The following RNF144B variants were observed in gnomAD, a reference collection of about 807,000 sequenced individuals.
RNF144B encodes the protein ring finger protein 144B, also known as E3 ubiquitin-protein ligase RNF144B.
In RNF144B, 25 loss-of-function variants were observed where a neutral mutation model predicts 40.2. The ratio of observed to expected loss-of-function variants is 0.62; its 90% confidence interval spans 0.45 to 0.87. RNF144B has a LOEUF of 0.87. Among genes scored for constraint, RNF144B ranks in the 40% least tolerant of loss-of-function variants. The probability of loss-of-function intolerance (pLI) is 0.00; values close to 1 mark genes in which losing one functional copy is unlikely to be tolerated. For missense variants in RNF144B, 365 were observed against 373.7 expected, an observed-to-expected ratio of 0.98 and a Z score of 0.19; for synonymous variants, 145 against 136.3, an observed-to-expected ratio of 1.06 and a Z score of -0.44.
chr6:18,426,370 T>C (rs374671818), intron 2 of RNF144B, among the ~76,000 whole-genome samples: 43 of 152,340 alleles, frequency 2.8e-4, no homozygotes, highest in African/African-American at 1.0e-3. Flanking sequence ...TTACCGATTA[T>C]GAGCAAATTA....
chr6:18,388,806 ATT>A (rs11455735), intron 1 of RNF144B, among the ~76,000 whole-genome samples: 12 of 149,946 alleles, frequency 8.0e-5, no homozygotes, highest in African/African-American at 2.9e-4. Context: ...TTTGACTGGC[ATT>A]TTTTTTTTTA....
At chr6:18,392,989 C>T (rs545867452) in intron 1 of RNF144B, among the ~76,000 whole-genome samples, 3 of 151,980 alleles carry the variant, frequency 2.0e-5, no homozygotes, top group East Asian at 1.9e-4. Flanking sequence ...GGCGTGATGG[C>T]GGGCACCTGT....
In RNF144B at chr6:18,459,720, C is replaced by T. The variant is rs144182790; in HGVS notation, c.650C>T (p.Thr217Ile). 793 of 1,613,992 alleles carry T rather than the reference C, an allele frequency of 4.9e-4. 2 individuals carry two copies. Among genetic ancestry groups the T allele is most frequent in the Non-Finnish European group, 6.4e-4 (750 of 1,179,952 alleles). Residue 217 changes from threonine (T) to isoleucine (I), a missense_variant, in exon 6 of 8, where the codon ACA becomes ATA. Physicochemically the swap from Thr to Ile is moderately conservative, Grantham distance 89. Coordinates refer to ENST00000259939, the MANE Select transcript of RNF144B (RefSeq NM_182757.4). This position sits in a 1 kb window ranked among gnomAD's most constrained non-coding sequence, Gnocchi z 4.2. ...ATGATGTGCAAAAACTGCAAGCATA[C>T]ATTTTGCTGGTACTGCCTCCAGAAC... The part of the protein sequence containing the change: ...AQMMCKNCKH[T>I]FCWYCLQNLD...
rs542711945 is a variant in RNF144B, at chr6:18,448,096, A to T, written c.331+8352A>T. 2.6e-5 allele frequency among the ~76,000 whole-genome samples: 4 copies of T among 152,126 alleles called. No individual in the cohort carries two copies. Among genetic ancestry groups the T allele is most frequent in the Non-Finnish European group, 5.9e-5 (4 of 68,036 alleles). On this transcript the variant is annotated intron_variant, in intron 4 of 7. Coordinates refer to ENST00000259939, the MANE Select transcript of RNF144B (RefSeq NM_182757.4). The surrounding 1 kb of genome is among the most constrained non-coding windows in gnomAD (Gnocchi z 4.0). Reference sequence around the variant, plus strand: ...TGGAGAGGGTTCAGGGTACTATGAGAAGAAAAATGGGTGCAGTGAATATAT... The same window carrying T: ...TGGAGAGGGTTCAGGGTACTATGAGTAGAAAAATGGGTGCAGTGAATATAT...
At chr6:18,388,123 T>C (rs2113446548) in intron 1 of RNF144B, among the ~76,000 whole-genome samples, 1 of 152,308 alleles carries the variant, frequency 6.6e-6, no homozygotes, top group African/African-American at 2.4e-5. Flanking sequence ...GTTTTTCTCA[T>C]GAGTTTCAAG....
chr6:18,439,722 T>C lies in RNF144B; in HGVS notation c.309T>C (p.Tyr103=). The change falls in exon 4 of 8, where the codon TAT becomes TAC. Residue 103 remains tyrosine, a synonymous_variant. Transcript: ENST00000259939. ...TACCTGTGGACCAGTTTCAACTTTATCAGAGGTTAAAATTTGAAAGAGGTA... is the reference window on the plus strand; with the variant it reads ...TACCTGTGGACCAGTTTCAACTTTACCAGAGGTTAAAATTTGAAAGAGGTA... ...CLVPVDQFQL[Y]QRLKFEREVH... is the part of the protein sequence containing the mutation. 6.2e-7 allele frequency: 1 copy of C among 1,612,272 alleles called. No individual in the cohort carries two copies. The highest frequency in any genetic ancestry group is 8.5e-7 in the Non-Finnish European group (1 of 1,178,364).
intron 2 of RNF144B, among the ~76,000 whole-genome samples, chr6:18,417,469 T>G (rs766106687): frequency 3.3e-5 from 5 of 152,116 alleles, no homozygotes; most frequent in Non-Finnish European, 7.4e-5. Context: ...CCAAGACAAT[T>G]CAAAGAGGAA....
intron 4 of RNF144B, among the ~76,000 whole-genome samples, chr6:18,449,651 T>C (rs1253206075): frequency 2.6e-5 from 4 of 151,918 alleles, no homozygotes; most frequent in Non-Finnish European, 4.4e-5. Context: ...TTTTAAAAAT[T>C]GACAGATAAA....
chr6:18,408,412 T>C lies in RNF144B; in HGVS notation c.165+8713T>C, dbSNP rs192569666. On this transcript the variant is annotated intron_variant, in intron 2 of 7. Coordinates refer to ENST00000259939, the MANE Select transcript of RNF144B (RefSeq NM_182757.4). ...AGGTTTCAGTTTGGTAAGGAAGATATATCATTCATCTTACTAGTTACTATT... is the reference window on the plus strand; with the variant it reads ...AGGTTTCAGTTTGGTAAGGAAGATACATCATTCATCTTACTAGTTACTATT... 1.5e-3 allele frequency among the ~76,000 whole-genome samples: 225 copies of C among 152,368 alleles called. 1 individual carries two copies. The highest frequency in any genetic ancestry group is 1.9e-3 in the Non-Finnish European group (132 of 68,028).
At chr6:18,439,530 G>A (rs1758908447) in intron 3 of RNF144B, among the ~76,000 whole-genome samples, 154 bp from the exon 4 acceptor site, 1 of 152,104 alleles carries the variant, frequency 6.6e-6, no homozygotes, top group South Asian at 2.1e-4. Context: ...TGTTGCATGT[G>A]TTTTACTACA....
chr6:18,391,734 G>A (rs1794584943), intron 1 of RNF144B, among the ~76,000 whole-genome samples: 1 of 151,692 alleles, frequency 6.6e-6, no homozygotes, highest in Non-Finnish European at 1.5e-5. Context: ...CAAGCGTGGT[G>A]GTGGGCGCCT....
At chr6:18,393,758 C>T (rs761214903) in intron 1 of RNF144B, among the ~76,000 whole-genome samples, 2 of 152,154 alleles carry the variant, frequency 1.3e-5, no homozygotes, top group Non-Finnish European at 1.5e-5. Context: ...CTCCATTTTA[C>T]AAGGCAACAC....
At position 18,439,743 on chromosome 6, in the gene RNF144B, A is replaced by C; in HGVS notation, c.330A>C (p.Arg110Ser). 1 of 1,599,442 alleles carries C rather than the reference A, an allele frequency of 6.3e-7. No individual in the cohort carries two copies. The highest frequency in any genetic ancestry group is 8.6e-7 in the Non-Finnish European group (1 of 1,166,878). Reference sequence around the variant, plus strand: ...TTTATCAGAGGTTAAAATTTGAAAGAGGTATGAACTCTTCTTTTTTTCCTG... The same window carrying C: ...TTTATCAGAGGTTAAAATTTGAAAGCGGTATGAACTCTTCTTTTTTTCCTG... ...FQLYQRLKFEREVHLDPYRTW... is the reference protein window; with the variant it reads ...FQLYQRLKFESEVHLDPYRTW... The change falls in exon 4 of 8, where the codon AGA becomes AGC. Residue 110 changes from arginine (R) to serine (S), a missense_variant and splice_region_variant. Arg to Ser is a moderately radical substitution (Grantham distance 110). Coordinates refer to ENST00000259939, the MANE Select transcript of RNF144B (RefSeq NM_182757.4).
chr6:18,453,522 T>A (rs563684248), intron 4 of RNF144B, among the ~76,000 whole-genome samples: 76 of 152,278 alleles, frequency 5.0e-4, no homozygotes, highest in African/African-American at 1.3e-3. Context: ...TTATTTTTTT[T>A]AAAAAAGCTA....
intron 4 of RNF144B, among the ~76,000 whole-genome samples, chr6:18,452,374 A>C (rs1485309321): frequency 6.6e-6 from 1 of 152,210 alleles, no homozygotes; most frequent in Non-Finnish European, 1.5e-5. Context: ...TGTGCACAAT[A>C]GAAGGTAGTT....
At chr6:18,409,148 C>T (rs556720626) in intron 2 of RNF144B, among the ~76,000 whole-genome samples, 2 of 151,874 alleles carry the variant, frequency 1.3e-5, no homozygotes, top group Admixed American at 6.6e-5. Context: ...GAGGCCGAGG[C>T]GGGTGGATCA....
intron 2 of RNF144B, among the ~76,000 whole-genome samples, chr6:18,408,990 G>A (rs1022948914): frequency 6.7e-6 from 1 of 150,032 alleles, no homozygotes; most frequent in Admixed American, 6.7e-5. Flanking sequence ...ACCTTTACAG[G>A]GTCTGCCTTT....
Position 18,460,824 on chromosome 6 carries a change from T to G in RNF144B, c.681+1073T>G, listed in dbSNP as rs1164338692. Among the ~76,000 whole-genome samples, 2 of 152,220 alleles carry G rather than the reference T, an allele frequency of 1.3e-5. No individual in the cohort carries two copies. Among genetic ancestry groups the G allele is most frequent in the African/African-American group, 4.8e-5 (2 of 41,446 alleles). ...TTAAAAATGCGATGCAAAGAGTTGG[T>G]GAGAAGGTCTTACTTCACTTCTGGT... On this transcript the variant is annotated intron_variant, in intron 6 of 7. Transcript: ENST00000259939. This position sits in a 1 kb window ranked among gnomAD's most constrained non-coding sequence, Gnocchi z 4.4.
chr6:18,423,411 A>G (rs927974825), intron 2 of RNF144B, among the ~76,000 whole-genome samples: 1 of 152,234 alleles, frequency 6.6e-6, no homozygotes. Context: ...ATGAGGAACT[A>G]TATAGTACGT....
Sources: allele counts gnomAD v4.1 joint callset (sites outside exome capture counted in the v4.1 genomes callset), GRCh38; gene constraint gnomAD v4.1.1; non-coding constraint Gnocchi (gnomAD v3.1); transcripts MANE v1.5; gene names NCBI Gene and HGNC (gene_info 2026-07-23, HGNC 2026-07-21).